KIF16B: variants seen among roughly 807,000 people sequenced by gnomAD.
KIF16B encodes the protein kinesin-like protein KIF16B.
A neutral mutation model predicts 156.3 loss-of-function variants in KIF16B; 98 were observed. The ratio of observed to expected loss-of-function variants is 0.63; its 90% CI spans 0.53 to 0.74. The LOEUF is 0.74. Among genes scored for constraint, KIF16B ranks in the 30% least tolerant of loss-of-function variants. The pLI is 0.00. For missense variants in KIF16B, 1,421 were observed against 1,606.5 expected, an observed-to-expected ratio of 0.88 and a Z score of 1.97; for synonymous variants, 564 against 583.7, an observed-to-expected ratio of 0.97 and a Z score of 0.49.
chr20:16,480,340 T>G (rs1403293993), intron 12 of KIF16B, among the ~76,000 whole-genome samples: 4 of 152,100 alleles, frequency 2.6e-5, no homozygotes, highest in African/African-American at 9.7e-5. Flanking sequence ...TCCGAGTCTT[T>G]CTTAGACAGA....
chr20:16,507,908 C>G (rs758068269), intron 7 of KIF16B, 50 bp downstream of exon 7: 9 of 1,603,840 alleles, frequency 5.6e-6, no homozygotes, highest in Non-Finnish European at 7.7e-6. Flanking sequence ...TGCTAATCAG[C>G]AAGTAAAGAC....
At chr20:16,453,015 A>G (rs1022011798) in intron 12 of KIF16B, among the ~76,000 whole-genome samples, 1 of 152,096 alleles carries the variant, frequency 6.6e-6, no homozygotes, top group Non-Finnish European at 1.5e-5. Context: ...CATACTTTAC[A>G]TATTTCACAT....
Position 16,379,648 on chromosome 20 carries a change from T to C in KIF16B, c.2354A>G (p.Gln785Arg). Residue 785 changes from glutamine to arginine, a missense_variant, in exon 19 of 26, where the codon CAG (glutamine) becomes CGG (arginine). By Grantham distance (43) the Gln-to-Arg change is conservative (BLOSUM62 1). Coordinates refer to ENST00000354981, the MANE Select transcript of KIF16B (RefSeq NM_024704.5). ...MIQLLRRGEV[Q>R]WVEEEKRDLE... ...GTCCCTCTTCTCCTCTTCCACCCAC[T>C]GTACCTCCCCACGCCGCAGGAGCTG... 4 of 1,614,126 alleles carry C rather than the reference T, an allele frequency of 2.5e-6. No homozygotes were observed. The highest frequency in any genetic ancestry group is 3.4e-6 in the Non-Finnish European group (4 of 1,180,020).
At chr20:16,562,617 G>A (rs6111184) in intron 1 of KIF16B, among the ~76,000 whole-genome samples, 1 of 152,160 alleles carries the variant, frequency 6.6e-6, no homozygotes, top group East Asian at 1.9e-4. Context: ...TGAGTGCTCA[G>A]GTCTTCCCGG....
chr20:16,444,268 C>T (rs1371270405), intron 12 of KIF16B, among the ~76,000 whole-genome samples: 1 of 152,126 alleles, frequency 6.6e-6, no homozygotes, highest in African/African-American at 2.4e-5. Context: ...ACCCCTAGGC[C>T]CTATGGTAGA....
intron 14 of KIF16B, among the ~76,000 whole-genome samples, chr20:16,427,839 A>G (rs1355000189): frequency 6.6e-6 from 1 of 152,158 alleles, no homozygotes; most frequent in African/African-American, 2.4e-5. Context: ...TTATCTATTC[A>G]TGTATAACTC....
At chr20:16,513,402 T>G (rs757170487) in intron 4 of KIF16B, among the ~76,000 whole-genome samples, 1 of 152,032 alleles carries the variant, frequency 6.6e-6, no homozygotes, top group Non-Finnish European at 1.5e-5. Flanking sequence ...TTCACACTTG[T>G]AATCCCAGCA....
intron 12 of KIF16B, among the ~76,000 whole-genome samples, chr20:16,491,334 G>A (rs2068284810): frequency 6.6e-6 from 1 of 152,270 alleles, no homozygotes; most frequent in East Asian, 1.9e-4. Flanking sequence ...ATTAGTGCCT[G>A]TAGGGGCCAG....
chr20:16,301,740 C>T (rs1221701456), intron 25 of KIF16B, among the ~76,000 whole-genome samples: 2 of 152,068 alleles, frequency 1.3e-5, no homozygotes, highest in East Asian at 3.9e-4. Flanking sequence ...ACTGCAACCT[C>T]CTGGGTTCAA....
chr20:16,379,266 G>T lies in KIF16B; in HGVS notation c.2736C>A (p.Leu912=). 6.2e-7 allele frequency: 1 copy of T among 1,613,988 alleles called. No homozygotes were observed. Residue 912 remains leucine, a synonymous_variant, in exon 19 of 26, where the codon CTC becomes CTA. Transcript: ENST00000354981. ...LQYKERQLQY[L]LQNHLPTLLE... is the part of the protein sequence containing the mutation. ...ACAGAGTTGGCAAGTGATTCTGCAG[G>T]AGGTACTGTAGCTGGCGTTCTTTAT... is the stretch of plus-strand genomic sequence containing the variant.
At chr20:16,458,455 A>G (rs1454249741) in intron 12 of KIF16B, among the ~76,000 whole-genome samples, 1 of 152,152 alleles carries the variant, frequency 6.6e-6, no homozygotes, top group Non-Finnish European at 1.5e-5. Context: ...TGTTGCTGAA[A>G]TTCATGTTCT....
At chr20:16,355,730 A>T (rs550067325) in intron 23 of KIF16B, among the ~76,000 whole-genome samples, 1 of 152,358 alleles carries the variant, frequency 6.6e-6, no homozygotes, top group African/African-American at 2.4e-5. Context: ...TGACGTAAGG[A>T]AACAGGCACA....
At chr20:16,430,161 G>A (rs1002919714) in intron 12 of KIF16B, among the ~76,000 whole-genome samples, 179 bp from the exon 13 acceptor site, 2 of 152,140 alleles carry the variant, frequency 1.3e-5, no homozygotes, top group African/African-American at 4.8e-5. Flanking sequence ...AGTGAACTTG[G>A]AACTTATAAA....
chr20:16,501,181 A>T (rs1177044892), intron 10 of KIF16B, among the ~76,000 whole-genome samples: 1 of 151,996 alleles, frequency 6.6e-6, no homozygotes, highest in Admixed American at 6.5e-5. Context: ...GTACATTATC[A>T]AGTGTTGCAA....
At chr20:16,416,985 G>A (rs2146348914) in intron 15 of KIF16B, among the ~76,000 whole-genome samples, 1 of 152,202 alleles carries the variant, frequency 6.6e-6, no homozygotes, top group South Asian at 2.1e-4. Flanking sequence ...CAGAGGAGCT[G>A]TAGTCCCCCA....
At chr20:16,517,670 C>T (rs1357670263) in intron 3 of KIF16B, among the ~76,000 whole-genome samples, 2 of 152,154 alleles carry the variant, frequency 1.3e-5, no homozygotes, top group Admixed American at 1.3e-4. Flanking sequence ...TCTTAAGAAG[C>T]AAAAGTCAGG....
rs149030907 is a variant in KIF16B at position 16,519,967 on chromosome 20, G to T, written c.232-4303C>A. Among the ~76,000 whole-genome samples the T allele has an allele frequency of 3.4e-3, 513 of 152,224 alleles. 2 individuals are homozygous for T. Among genetic ancestry groups the T allele is most frequent in the Non-Finnish European group, 5.9e-3 (400 of 68,016 alleles). ...AAGGGAAGCCATGAGGGACTGTGCCGTGAGGGATGGTGCATTCAGGCCCAA... is the reference window on the plus strand; with the variant it reads ...AAGGGAAGCCATGAGGGACTGTGCCTTGAGGGATGGTGCATTCAGGCCCAA... On this transcript the variant is annotated intron_variant, in intron 3 of 25. Coordinates refer to ENST00000354981, the MANE Select transcript of KIF16B (RefSeq NM_024704.5).
At chr20:16,404,347 C>T (rs1326896346) in intron 17 of KIF16B, among the ~76,000 whole-genome samples, 1 of 152,160 alleles carries the variant, frequency 6.6e-6, no homozygotes, top group East Asian at 1.9e-4. Flanking sequence ...CAATTTAAAA[C>T]ACTCTCATTT....
chr20:16,447,096 T>C (rs2066953855), intron 12 of KIF16B, among the ~76,000 whole-genome samples: 1 of 152,108 alleles, frequency 6.6e-6, no homozygotes, highest in Non-Finnish European at 1.5e-5. Context: ...CAGGCCACAC[T>C]TGCAAATAGG....
Sources: allele counts gnomAD v4.1 joint callset (sites outside exome capture counted in the v4.1 genomes callset), GRCh38; gene constraint gnomAD v4.1.1; transcripts MANE v1.5; gene names NCBI Gene and HGNC (gene_info 2026-07-23, HGNC 2026-07-21).